Variants in RAG1 observed in about 807,000 individuals in gnomAD.
RAG1 encodes V(D)J recombination-activating protein 1.
A neutral mutation model predicts 62.7 loss-of-function variants in RAG1; 35 were observed. The ratio of observed to expected loss-of-function variants is 0.56; its 90% CI spans 0.43 to 0.74. RAG1 has a LOEUF of 0.74. RAG1 is among the 30% of genes least tolerant of loss of function. The pLI, the probability that RAG1 is intolerant of heterozygous loss-of-function variation, is 0.00. For synonymous variants in RAG1, 461 were observed against 470.3 expected (o/e 0.98, Z 0.26); for missense variants, 1,169 against 1,278.6 (o/e 0.91, Z 1.31).
chr11:36,572,896 C>T (rs1223271197), intron 1 of RAG1, among the ~76,000 whole-genome samples: 2 of 152,188 alleles, frequency 1.3e-5, no homozygotes, highest in Admixed American at 6.5e-5. Context: ...GAAAATATTA[C>T]TTTTCTTTGA....
rs149398480 is a variant in RAG1, at chr11:36,533,761, C to T, written n.429-2198C>T. Among the ~76,000 whole-genome samples the T allele has an allele frequency of 3.9e-5, 6 of 151,980 alleles. No individual in the cohort carries two copies. In the East Asian group the frequency reaches 5.8e-4, roughly 15 times the overall value. ...AGTATTCTGGCTGATGTTTGATTTG[C>T]GATAGTAATCATTATTATTGATATT... On this transcript the variant is annotated intron_variant and non_coding_transcript_variant, in intron 2 of 2. Transcript: ENST00000529126.
chr11:36,573,643 C>T lies in RAG1; in HGVS notation c.339C>T (p.Ile113=). The part of the protein sequence containing the change: ...HQANLRHLCR[I]CGNSFRADEH... The stretch of plus-strand genomic sequence containing the variant: ...CCAACCTTCGACATCTCTGCCGCAT[C>T]TGTGGGAATTCTTTTAGAGCTGATG... Residue 113 remains isoleucine (I), a synonymous_variant, in exon 2 of 2, where the codon ATC becomes ATT. Coordinates refer to ENST00000299440, the MANE Select transcript of RAG1 (RefSeq NM_000448.3). 6.2e-7 allele frequency: 1 copy of T among 1,614,164 alleles called. No individual in the cohort carries two copies.
chr11:36,574,066 G>A lies in RAG1; in HGVS notation c.762G>A (p.Gln254=), dbSNP rs1850795056. 1.2e-6 allele frequency: 2 copies of A among 1,614,164 alleles called. No individual in the cohort carries two copies. Residue 254 remains glutamine (Q), a synonymous_variant, in exon 2 of 2, where the codon CAG becomes CAA. Coordinates refer to ENST00000299440, the MANE Select transcript of RAG1 (RefSeq NM_000448.3). ...RQARQHKRRA[Q]ARISSKDVMK... ...CCCGTCAGCACAAGAGAAGAGCTCA[G>A]GCAAGGATCAGCAGCAAGGATGTCA... is the stretch of plus-strand genomic sequence containing the variant.
In RAG1 at chr11:36,521,148, G is replaced by T. The variant is rs369445317; in HGVS notation, n.428+919G>T. Among the ~76,000 whole-genome samples the T allele has an allele frequency of 4.6e-4, 70 of 151,916 alleles. No homozygotes were observed. The East Asian group carries it at 7.4e-3, about 16-fold the overall frequency. ...CAAATTTTGCATTTTTGGTAGAGAC[G>T]GGGTTTCTCCATGTTGGTCAGGCTG... On this transcript the variant is annotated intron_variant and non_coding_transcript_variant, in intron 2 of 2. Transcript: ENST00000529126.
At chr11:36,571,157 T>C (rs559440082) in intron 1 of RAG1, among the ~76,000 whole-genome samples, 50 of 152,336 alleles carry the variant, frequency 3.3e-4, no homozygotes, top group African/African-American at 1.2e-3. Context: ...GGAAGTGAGA[T>C]AGTTCTAAGG....
chr11:36,528,445 T>C (rs564876747), intron 2 of RAG1, among the ~76,000 whole-genome samples: 5 of 152,124 alleles, frequency 3.3e-5, no homozygotes, highest in Non-Finnish European at 7.4e-5. Context: ...TTGAAACCAA[T>C]GAGAACAAAG....
chr11:36,522,575 C>T (rs1203950605), intron 2 of RAG1, among the ~76,000 whole-genome samples: 1 of 152,206 alleles, frequency 6.6e-6, no homozygotes, highest in East Asian at 1.9e-4. Flanking sequence ...AGGGTCAGAG[C>T]CCCCACATAG....
chr11:36,528,120 A>T (rs948431569), intron 2 of RAG1, among the ~76,000 whole-genome samples: 1 of 152,020 alleles, frequency 6.6e-6, no homozygotes. Context: ...CAGGACTTGA[A>T]CTCAGCTCTG....
intron 3 of RAG1, among the ~76,000 whole-genome samples, chr11:36,547,333 A>G (rs566677331): frequency 6.6e-6 from 1 of 152,296 alleles, no homozygotes; most frequent in South Asian, 2.1e-4. Context: ...CAATGAATCC[A>G]GAAGCTGGTT....
upstream of RAG1, chr11:36,567,365 G>T (rs1850676346): frequency 6.6e-6 from 1 of 152,198 alleles, no homozygotes; most frequent in African/African-American, 2.4e-5. Context: ...GGTTGCAGGT[G>T]ATGAGATTGA....
At chr11:36,520,433 T>C (rs2133694498) in intron 2 of RAG1, among the ~76,000 whole-genome samples, 1 of 152,192 alleles carries the variant, frequency 6.6e-6, no homozygotes, top group Middle Eastern at 3.4e-3. Flanking sequence ...CACGCCCAGC[T>C]AATTTTTTGT....
chr11:36,510,719 C>T (rs1859905914), exon 1 of RAG1: 3 of 152,352 alleles, frequency 2.0e-5, no homozygotes, highest in Middle Eastern at 3.4e-3. Context: ...ATTACCTGCT[C>T]TTCCCCTTCA....
chr11:36,514,579 G>T (rs1859970275), intron 1 of RAG1, among the ~76,000 whole-genome samples: 1 of 152,214 alleles, frequency 6.6e-6, no homozygotes, highest in African/African-American at 2.4e-5. Context: ...GAATCAGTGG[G>T]ATTTCTGAGC....
rs1440288110 is a variant in RAG1, at chr11:36,574,185, A to G, written c.881A>G (p.Gln294Arg). Residue 294 changes from glutamine to arginine, a missense_variant, in exon 2 of 2, where the codon CAG becomes CGG. Around this residue, in one of 2 missense-constraint regions of RAG1, gnomAD observed 800 missense variants for 943.3 expected, o/e 0.85. Transcript: ENST00000299440. Reference protein sequence around the residue: ...PEHFVKSISCQICEHILADPV... With the variant: ...PEHFVKSISCRICEHILADPV... ...CACTTTGTGAAATCCATCTCCTGCC[A>G]GATCTGTGAACACATTCTGGCTGAC... The G allele has an allele frequency of 6.2e-7, 1 of 1,614,202 alleles. No individual in the cohort carries two copies. Among genetic ancestry groups the G allele is most frequent in the East Asian group, 2.2e-5 (1 of 44,876 alleles).
chr11:36,565,987 T>C (rs1345993328), upstream of RAG1: 1 of 152,192 alleles, frequency 6.6e-6, no homozygotes, highest in Non-Finnish European at 1.5e-5. Context: ...ATTAAGTACT[T>C]TATTTGTAAA....
At chr11:36,529,491 T>C (rs1454875876) in intron 2 of RAG1, among the ~76,000 whole-genome samples, 3 of 152,124 alleles carry the variant, frequency 2.0e-5, no homozygotes, top group Admixed American at 6.6e-5. Flanking sequence ...ATGGAACGTA[T>C]CTCAAAATAA....
chr11:36,526,831 A>G (rs1016421139), intron 2 of RAG1, among the ~76,000 whole-genome samples: 35 of 152,234 alleles, frequency 2.3e-4, no homozygotes, highest in African/African-American at 8.2e-4. Flanking sequence ...TCTAATGACC[A>G]GTGATGATGA....
At chr11:36,537,859 A>C (rs1373529019), downstream of RAG1, among the ~76,000 whole-genome samples, 2 of 152,196 alleles carry the variant, frequency 1.3e-5, no homozygotes, top group South Asian at 2.1e-4. Context: ...TATAGTATCT[A>C]TCTCCATTTT....
At chr11:36,551,344 C>A (rs751970170) in intron 3 of RAG1, among the ~76,000 whole-genome samples, 1 of 152,052 alleles carries the variant, frequency 6.6e-6, no homozygotes, top group Non-Finnish European at 1.5e-5. Flanking sequence ...GCTACCATAA[C>A]AAAGTATCAT....
Sources: gnomAD v4.1 joint callset for allele counts (sites outside exome capture counted in the v4.1 genomes callset) on GRCh38, gnomAD v4.1.1 for gene constraint, gnomAD v4.1.1 regional missense constraint, MANE v1.5 for transcripts, NCBI Gene and HGNC (gene_info 2026-07-23, HGNC 2026-07-21) for gene names.